The following FAM117B variants were observed in gnomAD, a reference collection of about 807,000 sequenced individuals.
FAM117B encodes the protein protein FAM117B.
A neutral mutation model predicts 52.8 loss-of-function variants in FAM117B; 22 were observed. The ratio of observed to expected loss-of-function variants is 0.42; its 90% CI spans 0.30 to 0.59. The LOEUF (loss-of-function observed/expected upper bound fraction) is 0.59. Ranked by LOEUF, FAM117B falls within the 20% of genes least tolerant of loss-of-function variation. The pLI, the probability that FAM117B is intolerant of heterozygous loss-of-function variation, is 0.22. For synonymous variants in FAM117B, 309 were observed against 324.1 expected, an observed-to-expected ratio of 0.95 and a Z score of 0.50; for missense variants, 678 against 802.6, an observed-to-expected ratio of 0.84 and a Z score of 1.88.
At chr2:202,676,251 G>C (rs1367798014) in intron 1 of FAM117B, among the ~76,000 whole-genome samples, 2 of 152,020 alleles carry the variant, frequency 1.3e-5, no homozygotes, top group African/African-American at 2.4e-5. Context: ...TTTTAGCCTT[G>C]ATAACTGCAG....
intron 4 of FAM117B, among the ~76,000 whole-genome samples, chr2:202,729,605 C>A (rs1297570560): frequency 6.6e-6 from 1 of 152,036 alleles, no homozygotes; most frequent in African/African-American, 2.4e-5. Context: ...TTAATTATAA[C>A]ACTGTATAAT....
At chr2:202,647,498 T>C (rs1318002561) in intron 1 of FAM117B, among the ~76,000 whole-genome samples, 3 of 152,364 alleles carry the variant, frequency 2.0e-5, no homozygotes, top group Middle Eastern at 3.4e-3. Context: ...AGATTTCATA[T>C]TCAACTGAAA....
intron 7 of FAM117B, among the ~76,000 whole-genome samples, chr2:202,764,080 A>G (rs1377036777): frequency 6.6e-6 from 1 of 152,142 alleles, no homozygotes; most frequent in Non-Finnish European, 1.5e-5. Context: ...TTCTCTGAAT[A>G]ATGTTTTAAA....
rs1193877561 is a variant in FAM117B, at chr2:202,767,622, T to C, written c.*1858T>C. ...AAATCCTTATAAAGAGGATGCAGTT[T>C]AGAAGGTTAATATGTCAGCTTACCC... On this transcript the variant is annotated 3_prime_UTR_variant, in exon 8 of 8. Coordinates refer to ENST00000392238, the MANE Select transcript of FAM117B (RefSeq NM_173511.4). 6.6e-6 allele frequency: 1 copy of C among 152,212 alleles called. No homozygotes were observed. The highest frequency in any genetic ancestry group is 1.5e-5 in the Non-Finnish European group (1 of 68,040). The allele number at this position is 152,212 out of a possible 1,614,324, so 9.4% of individuals were successfully genotyped here.
chr2:202,661,906 G>T (rs376423660), intron 1 of FAM117B, among the ~76,000 whole-genome samples: 1 of 139,346 alleles, frequency 7.2e-6, no homozygotes, highest in Non-Finnish European at 1.5e-5. Context: ...GGGCAACAGA[G>T]CAAGATTCCA....
At chr2:202,740,067 G>A (rs1453789729) in intron 4 of FAM117B, among the ~76,000 whole-genome samples, 3 of 149,188 alleles carry the variant, frequency 2.0e-5, no homozygotes, top group Non-Finnish European at 4.4e-5. Context: ...CAGCTACTTC[G>A]GAGGCTGAGG....
chr2:202,681,440 A>G (rs1485984745), intron 1 of FAM117B, among the ~76,000 whole-genome samples: 1 of 152,224 alleles, frequency 6.6e-6, no homozygotes, highest in African/African-American at 2.4e-5. Context: ...GGTTTAAAGT[A>G]TAAAGATGGA....
chr2:202,763,069 TC>T (rs558773688), intron 7 of FAM117B, among the ~76,000 whole-genome samples: 12 of 128,262 alleles, frequency 9.4e-5, no homozygotes, highest in Admixed American at 9.2e-4. Context: ...GAGTCTTAAG[TC>T]TTTTTTTTTT....
At chr2:202,727,680 G>T (rs1691267794) in intron 4 of FAM117B, among the ~76,000 whole-genome samples, 1 of 151,990 alleles carries the variant, frequency 6.6e-6, no homozygotes, top group South Asian at 2.1e-4. Flanking sequence ...TTTATATAAG[G>T]GACTTGAGTA....
chr2:202,723,690 T>G (rs979629193), intron 2 of FAM117B, among the ~76,000 whole-genome samples: 3 of 152,226 alleles, frequency 2.0e-5, no homozygotes, highest in African/African-American at 7.2e-5. Flanking sequence ...ACTTACATTG[T>G]TTCAGTCTTA....
At chr2:202,687,035 A>G (rs1448326168) in intron 1 of FAM117B, among the ~76,000 whole-genome samples, 2 of 152,208 alleles carry the variant, frequency 1.3e-5, no homozygotes, top group Admixed American at 6.5e-5. Flanking sequence ...TTCTAGACTA[A>G]GTCCAAAGAC....
chr2:202,748,599 T>TA (rs1691671529), intron 4 of FAM117B, among the ~76,000 whole-genome samples: 1 of 151,858 alleles, frequency 6.6e-6, no homozygotes, highest in Non-Finnish European at 1.5e-5. Context: ...AGAATCCCAT[T>TA]AAAAAATGGG....
intron 1 of FAM117B, among the ~76,000 whole-genome samples, chr2:202,679,953 A>T (rs1436829356): frequency 6.6e-6 from 1 of 152,238 alleles, no homozygotes; most frequent in Non-Finnish European, 1.5e-5. Context: ...AAATATGTTC[A>T]GTATGCTCAG....
chr2:202,703,712 C>T (rs188665567), intron 2 of FAM117B, among the ~76,000 whole-genome samples: 1 of 152,248 alleles, frequency 6.6e-6, no homozygotes, highest in African/African-American at 2.4e-5. Context: ...ATTTTGTTTA[C>T]CTGTTAATCT....
intron 4 of FAM117B, among the ~76,000 whole-genome samples, chr2:202,733,668 A>G (rs1691393784): frequency 6.6e-6 from 1 of 152,228 alleles, no homozygotes; most frequent in Non-Finnish European, 1.5e-5. Flanking sequence ...GCAGGCAGTC[A>G]GAACTTTGGT....
At chr2:202,701,841 A>C (rs1256554686) in intron 2 of FAM117B, among the ~76,000 whole-genome samples, 2 of 152,222 alleles carry the variant, frequency 1.3e-5, no homozygotes, top group Non-Finnish European at 2.9e-5. Context: ...TGAGCAAATA[A>C]AGTGGTTTCT....
intron 1 of FAM117B, among the ~76,000 whole-genome samples, chr2:202,683,125 C>A (rs544414531): frequency 6.6e-6 from 1 of 152,006 alleles, no homozygotes; most frequent in Non-Finnish European, 1.5e-5. Context: ...GTCAGGAGTT[C>A]GAGACCAGCC....
At chr2:202,751,758 C>CGA (rs1228225970) in intron 4 of FAM117B, among the ~76,000 whole-genome samples, 1 of 127,582 alleles carries the variant, frequency 7.8e-6, no homozygotes, top group African/African-American at 3.0e-5. Context: ...GGAGACAGAC[C>CGA]GAGACTCCAT....
At chr2:202,742,096 A>G (rs941519594) in intron 4 of FAM117B, among the ~76,000 whole-genome samples, 2 of 152,174 alleles carry the variant, frequency 1.3e-5, no homozygotes, top group Admixed American at 1.3e-4. Flanking sequence ...ATGAGTTAAT[A>G]TAATACTTTC....
Sources: gnomAD v4.1 joint callset for allele counts (sites outside exome capture counted in the v4.1 genomes callset) on GRCh38, gnomAD v4.1.1 for gene constraint, MANE v1.5 for transcripts, NCBI Gene and HGNC (gene_info 2026-07-23, HGNC 2026-07-21) for gene names.